The following PDSS2 variants were observed in gnomAD, a reference collection of about 807,000 sequenced individuals.
PDSS2 encodes the protein all trans-polyprenyl-diphosphate synthase PDSS2.
PDSS2 carries 31 observed loss-of-function variants against 44.5 expected under a neutral mutation model. The ratio of observed to expected loss-of-function variants is 0.70; its 90% confidence interval spans 0.52 to 0.94. PDSS2 has a LOEUF of 0.94. PDSS2 is among the 40% of genes least tolerant of loss of function. The pLI, the probability that PDSS2 is intolerant of heterozygous loss-of-function variation, is 0.00. For missense variants in PDSS2, 452 were observed against 482.2 expected (o/e 0.94, Z 0.59); for synonymous variants, 157 against 180.3 (o/e 0.87, Z 1.03).
chr6:107,393,208 T>C (rs753127072), intron 1 of PDSS2, among the ~76,000 whole-genome samples: 29 of 152,322 alleles, frequency 1.9e-4, no homozygotes, highest in Non-Finnish European at 2.8e-4. Context: ...TGTTGTTTTT[T>C]CATCTTCATT....
Position 107,429,610 on chromosome 6 carries a change from C to T in PDSS2, c.296+29380G>A, listed in dbSNP as rs376348150. Among the ~76,000 whole-genome samples, 20 of 151,862 alleles carry T rather than the reference C, an allele frequency of 1.3e-4. No individual in the cohort carries two copies. In the South Asian group the frequency reaches 3.5e-3, roughly 27 times the overall value. ...AAGAATATACTAAACCTAGGGTGGG[C>T]GCGGTGGCTCACACCTGTAATCTCT... is the stretch of plus-strand genomic sequence containing the variant. On this transcript the variant is annotated intron_variant, in intron 1 of 7. Coordinates refer to ENST00000369037, the MANE Select transcript of PDSS2 (RefSeq NM_020381.4).
intron 6 of PDSS2, among the ~76,000 whole-genome samples, chr6:107,198,365 C>T (rs759440): frequency 0.29 from 44,148 of 152,048 alleles, 6,604 homozygotes; most frequent in East Asian, 0.5. Flanking sequence ...ACCGTTACCA[C>T]AGCCATTATA....
At chr6:107,317,790 T>C (rs1777246743) in intron 2 of PDSS2, among the ~76,000 whole-genome samples, 1 of 152,200 alleles carries the variant, frequency 6.6e-6, no homozygotes, top group Non-Finnish European at 1.5e-5. Flanking sequence ...CAAAAAATAA[T>C]GTGAGCACTT....
In PDSS2 at chr6:107,202,185, C is replaced by T. The variant is rs148006698; in HGVS notation, c.1008+8254G>A. 1.7e-3 allele frequency among the ~76,000 whole-genome samples: 266 copies of T among 152,168 alleles called. 2 individuals carry two copies. The highest frequency in any genetic ancestry group is 6.1e-3 in the African/African-American group (252 of 41,556). ...TCCTGAATAGCTGGGATTACAGGTACACACCACCACACCTGGCTACTTTTA... is the reference window on the plus strand; with the variant it reads ...TCCTGAATAGCTGGGATTACAGGTATACACCACCACACCTGGCTACTTTTA... On this transcript the variant is annotated intron_variant, in intron 6 of 7. Transcript: ENST00000369037.
At chr6:107,273,270 C>A (rs886599962) in intron 3 of PDSS2, among the ~76,000 whole-genome samples, 1 of 151,882 alleles carries the variant, frequency 6.6e-6, no homozygotes, top group Non-Finnish European at 1.5e-5. Flanking sequence ...AGGAGTGAGC[C>A]ACCACACCTG....
At chr6:107,324,221 T>C (rs1314407266) in intron 2 of PDSS2, among the ~76,000 whole-genome samples, 3 of 152,206 alleles carry the variant, frequency 2.0e-5, no homozygotes, top group African/African-American at 7.2e-5. Context: ...GGAGTTTACA[T>C]TTACTGTTGT....
intron 1 of PDSS2, among the ~76,000 whole-genome samples, chr6:107,448,076 C>T (rs1781745201): frequency 1.3e-5 from 2 of 152,340 alleles, no homozygotes; most frequent in South Asian, 2.1e-4. Context: ...AGTCCAGAAG[C>T]TGCATACAGC....
chr6:107,368,041 A>C (rs1316348392), intron 1 of PDSS2, among the ~76,000 whole-genome samples: 1 of 151,852 alleles, frequency 6.6e-6, no homozygotes, highest in Non-Finnish European at 1.5e-5. Context: ...GAGGTCAAGG[A>C]GGGCGGATCA....
chr6:107,414,998 G>A (rs896451740), intron 1 of PDSS2, among the ~76,000 whole-genome samples: 10 of 152,168 alleles, frequency 6.6e-5, no homozygotes, highest in African/African-American at 1.7e-4. Flanking sequence ...TCAACTCAAT[G>A]AGTGAGGCTT....
At chr6:107,234,462 C>T (rs906864458) in intron 4 of PDSS2, among the ~76,000 whole-genome samples, 1 of 152,098 alleles carries the variant, frequency 6.6e-6, no homozygotes, top group South Asian at 2.1e-4. Flanking sequence ...ACCTCTGCCT[C>T]CCAAAGTGCT....
At chr6:107,209,246 G>A (rs1282163707) in intron 6 of PDSS2, among the ~76,000 whole-genome samples, 1 of 152,042 alleles carries the variant, frequency 6.6e-6, no homozygotes, top group Non-Finnish European at 1.5e-5. Context: ...AATGCCCAGT[G>A]GTCCTCTTTT....
At chr6:107,174,090 C>G (rs2114404685) in intron 7 of PDSS2, among the ~76,000 whole-genome samples, 1 of 152,264 alleles carries the variant, frequency 6.6e-6, no homozygotes, top group Non-Finnish European at 1.5e-5. Context: ...AAACTATTTT[C>G]AGTCCTGGGG....
intron 7 of PDSS2, among the ~76,000 whole-genome samples, chr6:107,170,181 C>A (rs1296989997): frequency 3.9e-5 from 6 of 152,282 alleles, no homozygotes; most frequent in African/African-American, 1.4e-4. Flanking sequence ...CAATGGTGGG[C>A]GCCCCTCCAC....
chr6:107,342,166 C>T (rs1778100993), intron 1 of PDSS2, among the ~76,000 whole-genome samples: 1 of 149,610 alleles, frequency 6.7e-6, no homozygotes, highest in African/African-American at 2.5e-5. Flanking sequence ...CCCAGCAGAG[C>T]AACTGACACA....
In PDSS2 at chr6:107,154,716, T is replaced by A; in HGVS notation, c.1103A>T (p.His368Leu). 1 of 1,614,108 alleles carries A rather than the reference T, an allele frequency of 6.2e-7. No homozygotes were observed. The highest frequency in any genetic ancestry group is 8.5e-7 in the Non-Finnish European group (1 of 1,179,972). Residue 368 changes from histidine to leucine, a missense_variant, in exon 8 of 8, where the codon CAT (histidine) becomes CTT (leucine). His to Leu is a moderately conservative substitution (Grantham distance 99). Coordinates refer to ENST00000369037, the MANE Select transcript of PDSS2 (RefSeq NM_020381.4). ...CAGGGCCTCCAGTGCCTTGTTTCCATGGTAACGACACAGGTCAATAGCTGA... is the reference window on the plus strand; with the variant it reads ...CAGGGCCTCCAGTGCCTTGTTTCCAAGGTAACGACACAGGTCAATAGCTGA... ...VTSAIDLCRYHGNKALEALES... is the reference protein window; with the variant it reads ...VTSAIDLCRYLGNKALEALES...
intron 2 of PDSS2, among the ~76,000 whole-genome samples, chr6:107,308,583 A>C (rs1776936876): frequency 6.6e-6 from 1 of 152,254 alleles, no homozygotes; most frequent in Non-Finnish European, 1.5e-5. Flanking sequence ...TAACTGCTGT[A>C]GGGGTACACA....
Position 107,390,979 on chromosome 6 carries a change from TG to T in PDSS2, c.297-56648del, listed in dbSNP as rs531847187. On this transcript the variant is annotated intron_variant, in intron 1 of 7. Transcript: ENST00000369037. ...TCATAGCTATTTTTTTAACCTTTTT[TG>T]GAATTTCTAGCTCCATAAAATACAA... 4.3e-3 allele frequency among the ~76,000 whole-genome samples: 654 copies of T among 151,782 alleles called. 5 individuals carry two copies. The highest frequency in any genetic ancestry group is 0.015 in the African/African-American group (609 of 41,380).
In PDSS2 at chr6:107,314,195, A is replaced by G. The variant is rs111927711; in HGVS notation, c.431+20003T>C. Reference sequence around the variant, plus strand: ...TAGAACGAGCTTTTTCATATTGTCAATTCTTTGCCAATGGAGATGATTCAC... The same window carrying G: ...TAGAACGAGCTTTTTCATATTGTCAGTTCTTTGCCAATGGAGATGATTCAC... On this transcript the variant is annotated intron_variant, in intron 2 of 7. Transcript: ENST00000369037. 1.9e-3 allele frequency among the ~76,000 whole-genome samples: 293 copies of G among 152,160 alleles called. 5 individuals carry two copies. The highest frequency in any genetic ancestry group is 6.8e-3 in the African/African-American group (281 of 41,514).
At chr6:107,276,114 C>CAAAAAAAAAAAAAAAAAAA (rs57590944) in intron 2 of PDSS2, among the ~76,000 whole-genome samples, 1 of 90,096 alleles carries the variant, frequency 1.1e-5, no homozygotes, top group African/African-American at 4.5e-5. Context: ...GACCCTATCT[C>CAAAAAAAAAAAAAAAAAAA]AAAAAAAAGG....
Sources: gnomAD v4.1 joint callset for allele counts (sites outside exome capture counted in the v4.1 genomes callset) on GRCh38, gnomAD v4.1.1 for gene constraint, MANE v1.5 for transcripts, NCBI Gene and HGNC (gene_info 2026-07-23, HGNC 2026-07-21) for gene names.